Variants in ZC2HC1C observed in about 807,000 individuals in gnomAD.
ZC2HC1C encodes zinc finger C2HC domain-containing protein 1C.
In ZC2HC1C, 25 loss-of-function variants were observed where a neutral mutation model predicts 39.2. The ratio of observed to expected loss-of-function variants is 0.64; its 90% CI spans 0.47 to 0.89. The LOEUF is 0.89. ZC2HC1C is among the 40% of genes least tolerant of loss of function. The pLI, the probability that ZC2HC1C is intolerant of heterozygous loss-of-function variation, is 0.00. For synonymous variants in ZC2HC1C, 209 were observed against 214.4 expected, an observed-to-expected ratio of 0.97 and a Z score of 0.22; for missense variants, 519 against 548.6, an observed-to-expected ratio of 0.95 and a Z score of 0.54.
chr14:75,070,669 A>G lies in ZC2HC1C; in HGVS notation c.96A>G (p.Gln32=), dbSNP rs778393940. The change falls in exon 2 of 3, where the codon CAA becomes CAG. Residue 32 remains glutamine (Q), a synonymous_variant. Coordinates refer to ENST00000524913, the MANE Select transcript of ZC2HC1C (RefSeq NM_024643.4). The stretch of plus-strand genomic sequence containing the variant: ...CTCCAGGGCCCCACTCAGCCAAGCA[A>G]GACTCTTACGAACAAGGTGACTCTT... The part of the protein sequence containing the change: ...TEAPGPHSAK[Q]DSYEQGDSSQ... 12 of 1,614,078 alleles carry G rather than the reference A, an allele frequency of 7.4e-6. No individual in the cohort carries two copies. In the East Asian group the frequency reaches 1.1e-4, roughly 15 times the overall value.
intron 1 of ZC2HC1C, among the ~76,000 whole-genome samples, chr14:75,070,251 C>T (rs988688197): frequency 3.9e-5 from 6 of 152,184 alleles, no homozygotes; most frequent in Non-Finnish European, 7.4e-5. Context: ...TAGTCAGGTG[C>T]TCTTTCCACC....
chr14:75,071,941 T>A (rs1228271967), intron 2 of ZC2HC1C, 30 bp downstream of exon 2: 8 of 1,546,118 alleles, frequency 5.2e-6, no homozygotes, highest in African/African-American at 1.4e-5. Flanking sequence ...TGTGACTTGG[T>A]GTGGTGATCA....
At position 75,070,743 on chromosome 14, in the gene ZC2HC1C, T is replaced by A; in HGVS notation, c.170T>A (p.Leu57His). ...CTGAGGAACAATTTCCAGAAGCAGC[T>A]TTTGAGCAACAAAGAGTTGATTCTG... ...GHLRNNFQKQ[L>H]LSNKELILDK... The change falls in exon 2 of 3, where the codon CTT (leucine) becomes CAT (histidine). Residue 57 changes from leucine to histidine, a missense_variant. By Grantham distance (99) the Leu-to-His change is moderately conservative. Coordinates refer to ENST00000524913, the MANE Select transcript of ZC2HC1C (RefSeq NM_024643.4). The A allele has an allele frequency of 6.2e-7, 1 of 1,614,186 alleles. No individual in the cohort carries two copies. The highest frequency in any genetic ancestry group is 2.2e-5 in the East Asian group (1 of 44,880).
chr14:75,077,556 T>C lies in ZC2HC1C; in HGVS notation c.1363T>C (p.Trp455Arg), dbSNP rs769532515. Reference protein sequence around the residue: ...AKAEPPQKSNWR With the variant: ...AKAEPPQKSNRR ...GGCTGAACCTCCTCAGAAGAGCAAC[T>C]GGAGATAGAAGCATGAATCTTTTAT... The change falls in exon 3 of 3, where the codon TGG becomes CGG. Residue 455 changes from tryptophan (W) to arginine (R), a missense_variant. By Grantham distance (101) the Trp-to-Arg change is moderately radical (BLOSUM62 -3). Transcript: ENST00000524913. 3 of 1,614,094 alleles carry C rather than the reference T, an allele frequency of 1.9e-6. No individual in the cohort carries two copies. Among genetic ancestry groups the C allele is most frequent in the East Asian group, 4.5e-5 (2 of 44,902 alleles).
chr14:75,077,426 A>G, intron 2 of ZC2HC1C, 106 bp from the exon 3 acceptor site: 1 of 1,447,282 alleles, frequency 6.9e-7, no homozygotes, highest in South Asian at 1.2e-5. Flanking sequence ...GTTCTCTTTG[A>G]CCTTGCAGAT....
At chr14:75,076,788 CTCT>C (rs1893692111) in intron 2 of ZC2HC1C, among the ~76,000 whole-genome samples, 1 of 152,012 alleles carries the variant, frequency 6.6e-6, no homozygotes. Flanking sequence ...GACTTTTTGG[CTCT>C]TTTTCTTGTT....
Position 75,070,798 on chromosome 14 carries a change from C to A in ZC2HC1C, c.225C>A (p.Asn75Lys). The A allele has an allele frequency of 6.2e-7, 1 of 1,614,214 alleles. No homozygotes were observed. The highest frequency in any genetic ancestry group is 8.5e-7 in the Non-Finnish European group (1 of 1,180,036). ...AAGTCTATACTCACCCCAAATGGAA[C>A]ACCCAAACAAAAGCCCGGAGCTACT... ...LDKVYTHPKWNTQTKARSYSY... is the reference protein window; with the variant it reads ...LDKVYTHPKWKTQTKARSYSY... The change falls in exon 2 of 3, where the codon AAC becomes AAA. Residue 75 changes from asparagine to lysine, a missense_variant. By Grantham distance (94) the Asn-to-Lys change is moderately conservative. Coordinates refer to ENST00000524913, the MANE Select transcript of ZC2HC1C (RefSeq NM_024643.4).
At position 75,070,797 on chromosome 14, in the gene ZC2HC1C, A is replaced by C; in HGVS notation, c.224A>C (p.Asn75Thr). The C allele has an allele frequency of 1.2e-6, 2 of 1,614,214 alleles. No individual in the cohort carries two copies. The highest frequency in any genetic ancestry group is 1.7e-6 in the Non-Finnish European group (2 of 1,180,040). Reference protein sequence around the residue: ...LDKVYTHPKWNTQTKARSYSY... With the variant: ...LDKVYTHPKWTTQTKARSYSY... ...AAAGTCTATACTCACCCCAAATGGAACACCCAAACAAAAGCCCGGAGCTAC... is the reference window on the plus strand; with the variant it reads ...AAAGTCTATACTCACCCCAAATGGACCACCCAAACAAAAGCCCGGAGCTAC... Residue 75 changes from asparagine to threonine, a missense_variant, in exon 2 of 3, where the codon AAC (asparagine) becomes ACC (threonine). By Grantham distance (65) the Asn-to-Thr change is moderately conservative. Coordinates refer to ENST00000524913, the MANE Select transcript of ZC2HC1C (RefSeq NM_024643.4).
In ZC2HC1C at chr14:75,070,704, C is replaced by G. The variant is rs1893330986; in HGVS notation, c.131C>G (p.Ser44Cys). Residue 44 changes from serine (S) to cysteine (C), a missense_variant, in exon 2 of 3, where the codon TCC becomes TGC. Transcript: ENST00000524913. The stretch of plus-strand genomic sequence containing the variant: ...GAACAAGGTGACTCTTCCCAGCAGT[C>G]CTTGAAGGGGCACCTGAGGAACAAT... The part of the protein sequence containing the change: ...SYEQGDSSQQ[S>C]LKGHLRNNFQ... The G allele has an allele frequency of 6.2e-7, 1 of 1,614,168 alleles. No individual in the cohort carries two copies. Among genetic ancestry groups the G allele is most frequent in the Non-Finnish European group, 8.5e-7 (1 of 1,180,030 alleles).
rs1372105172 is a variant in ZC2HC1C, at chr14:75,071,353, C to T, written c.780C>T (p.Asn260=). ...AGGAACAGGCCAAGGAAAATGAAAACGGAGAGCTACAGAAAATTATACTCC... is the reference window on the plus strand; with the variant it reads ...AGGAACAGGCCAAGGAAAATGAAAATGGAGAGCTACAGAAAATTATACTCC... The part of the protein sequence containing the change: ...TQKEQAKENE[N]GELQKIILPR... The change falls in exon 2 of 3, where the codon AAC becomes AAT. Residue 260 remains asparagine, a synonymous_variant. Coordinates refer to ENST00000524913, the MANE Select transcript of ZC2HC1C (RefSeq NM_024643.4). 6.2e-6 allele frequency: 10 copies of T among 1,613,748 alleles called. No homozygotes were observed. Among genetic ancestry groups the T allele is most frequent in the Non-Finnish European group, 7.6e-6 (9 of 1,179,972 alleles).
chr14:75,070,463 G>A (rs1893308716), intron 1 of ZC2HC1C, 92 bp from the exon 2 acceptor site: 2 of 1,436,434 alleles, frequency 1.4e-6, no homozygotes, highest in South Asian at 2.8e-5. Flanking sequence ...AAGGGAATGT[G>A]GGCAGGGCAA....
chr14:75,069,868 G>A (rs944832713), intron 1 of ZC2HC1C, 119 bp downstream of exon 1: 1 of 152,766 alleles, frequency 6.5e-6, no homozygotes, highest in African/African-American at 2.4e-5. Context: ...CGCCCCAGTT[G>A]ACCCTTCGGG....
In ZC2HC1C at chr14:75,071,089, G is replaced by C; in HGVS notation, c.516G>C (p.Glu172Asp). 1 of 1,614,214 alleles carries C rather than the reference G, an allele frequency of 6.2e-7. No individual in the cohort carries two copies. The highest frequency in any genetic ancestry group is 8.5e-7 in the Non-Finnish European group (1 of 1,180,048). Residue 172 changes from glutamate to aspartate, a missense_variant, in exon 2 of 3, where the codon GAG becomes GAC. By Grantham distance (45) the Glu-to-Asp change is conservative. Coordinates refer to ENST00000524913, the MANE Select transcript of ZC2HC1C (RefSeq NM_024643.4). ...ACCCAAGGCCCCCTGAGCCGAGAGA[G>C]TTTTCATCTAGGAACTTTGGTGTGA... Reference protein sequence around the residue: ...NVYPRPPEPREFSSRNFGVRN... With the variant: ...NVYPRPPEPRDFSSRNFGVRN...
chr14:75,072,642 A>G (rs1434915227), intron 2 of ZC2HC1C, among the ~76,000 whole-genome samples: 7 of 152,232 alleles, frequency 4.6e-5, no homozygotes, highest in Non-Finnish European at 1.5e-5. Context: ...GGTGAACTTC[A>G]TAGGCACATT....
rs949177940 is a variant in ZC2HC1C at position 75,071,987 on chromosome 14, T to C, written c.1338+76T>C. On this transcript the variant is annotated intron_variant, in intron 2 of 2. Transcript: ENST00000524913. ...CTGTTTTGTCATCATCAGTTTTCTT[T>C]AGGGAAAATTCATGTGTCATGTAGG... The C allele has an allele frequency of 3.3e-5, 49 of 1,500,998 alleles. No homozygotes were observed. The East Asian group carries it at 1.1e-3, about 34-fold the overall frequency. The allele number at this position is 1,500,998 out of a possible 1,614,324, so 93.0% of individuals were successfully genotyped here.
At chr14:75,074,481 T>C (rs1893574592) in intron 2 of ZC2HC1C, among the ~76,000 whole-genome samples, 1 of 152,240 alleles carries the variant, frequency 6.6e-6, no homozygotes, top group Non-Finnish European at 1.5e-5. Flanking sequence ...CCTTCAGTTC[T>C]GTTAGATGGT....
In ZC2HC1C at chr14:75,079,215, C is replaced by CAAAAAAAAAAA. The variant is rs66560922; in HGVS notation, c.*1661_*1671dup. On this transcript the variant is annotated 3_prime_UTR_variant, in exon 3 of 3. Transcript: ENST00000524913. ...CTGGTGACCTAGTGAGACTCCATCTCAAAAAAAAAAAAAAAAAAAAGAAAA... is the reference window on the plus strand; with the variant it reads ...CTGGTGACCTAGTGAGACTCCATCTCAAAAAAAAAAAAAAAAAAAAAAAAAAAAAAAGAAAA... The CAAAAAAAAAAA allele has an allele frequency of 2.3e-5, 2 of 85,224 alleles. No homozygotes were observed. The highest frequency in any genetic ancestry group is 2.3e-5 in the Non-Finnish European group (1 of 43,588). 5.3% of individuals were successfully genotyped at this position (85,224 alleles called of 1,614,324 possible). A position where few individuals can be genotyped will look rare whatever the true frequency, so the allele number is the denominator to read the frequency against.
At chr14:75,076,396 A>C (rs1169485012) in intron 2 of ZC2HC1C, among the ~76,000 whole-genome samples, 2 of 151,848 alleles carry the variant, frequency 1.3e-5, no homozygotes, top group Non-Finnish European at 2.9e-5. Flanking sequence ...AGCCTCCTGA[A>C]TAGCTGGGAC....
At chr14:75,074,929 CCTA>C (rs1404527537) in intron 2 of ZC2HC1C, among the ~76,000 whole-genome samples, 2 of 152,146 alleles carry the variant, frequency 1.3e-5, no homozygotes, top group Non-Finnish European at 2.9e-5. Context: ...TTCCCTCTCT[CCTA>C]CTGTTCTCTT....
Sources: allele counts gnomAD v4.1 joint callset (sites outside exome capture counted in the v4.1 genomes callset), GRCh38; gene constraint gnomAD v4.1.1; transcripts MANE v1.5; gene names NCBI Gene and HGNC (gene_info 2026-07-23, HGNC 2026-07-21).